SETD2: variants seen among roughly 807,000 people sequenced by gnomAD.
SETD2 encodes histone-lysine N-methyltransferase SETD2.
SETD2 carries 31 observed loss-of-function variants against 242.1 expected under a neutral mutation model. That is an observed-to-expected ratio of 0.13 (90% CI 0.10 to 0.17). The LOEUF (loss-of-function observed/expected upper bound fraction) is 0.17, where lower values mean the gene tolerates loss of function less well. SETD2 is among the 10% of genes least tolerant of loss of function. SETD2 has a pLI of 1.00. For synonymous variants in SETD2, 1,006 were observed against 1,066.5 expected, an observed-to-expected ratio of 0.94 and a Z score of 1.11; for missense variants, 2,481 against 3,046.3, an observed-to-expected ratio of 0.81 and a Z score of 4.37.
intron 18 of SETD2, among the ~76,000 whole-genome samples, chr3:47,022,478 G>A (rs2107500572): frequency 6.6e-6 from 1 of 152,250 alleles, no homozygotes; most frequent in East Asian, 1.9e-4. Flanking sequence ...ACTCCAGCCT[G>A]GGCAACAGAG....
chr3:47,033,039 T>A (rs988489845), intron 18 of SETD2, among the ~76,000 whole-genome samples: 2 of 151,548 alleles, frequency 1.3e-5, no homozygotes, highest in Admixed American at 6.6e-5. Context: ...TAAATTTTAC[T>A]AAAAAAAAAT....
intron 2 of SETD2, among the ~76,000 whole-genome samples, chr3:47,125,832 T>C (rs2043308784): frequency 6.6e-6 from 1 of 152,168 alleles, no homozygotes; most frequent in Non-Finnish European, 1.5e-5. Flanking sequence ...ACAAACTCAA[T>C]CCTAAATTAA....
chr3:47,050,984 C>T (rs779822671), intron 15 of SETD2, among the ~76,000 whole-genome samples: 4 of 151,992 alleles, frequency 2.6e-5, no homozygotes, highest in East Asian at 3.9e-4. Context: ...CCCCACACCT[C>T]GGCTTCCCAA....
Position 47,056,994 on chromosome 3 carries a change from G to T in SETD2, c.6790C>A (p.Pro2264Thr), listed in dbSNP as rs1173653586. 3.1e-6 allele frequency: 5 copies of T among 1,614,256 alleles called. No homozygotes were observed. ...ACACTATAATTCTGTCCCTGAACTG[G>T]GCCGGGGGCCGGCACTGGCAAGACA... ...VAVLPVPAPGPVQGQNYSVWD... is the reference protein window; with the variant it reads ...VAVLPVPAPGTVQGQNYSVWD... The change falls in exon 15 of 21, where the codon CCA becomes ACA. Residue 2264 changes from proline to threonine, a missense_variant. Physicochemically the swap from Pro to Thr is conservative, Grantham distance 38. This residue lies in a region of SETD2 where 235 missense variants were observed against 293.9 expected (regional missense o/e 0.80). Transcript: ENST00000409792.
chr3:47,024,568 C>T (rs1473249772), intron 18 of SETD2, among the ~76,000 whole-genome samples: 1 of 152,168 alleles, frequency 6.6e-6, no homozygotes, highest in Non-Finnish European at 1.5e-5. Flanking sequence ...ACAAGAACCA[C>T]TTGAACCTGG....
intron 1 of SETD2, among the ~76,000 whole-genome samples, chr3:47,151,552 G>A (rs1420259467): frequency 2.6e-5 from 4 of 152,040 alleles, no homozygotes; most frequent in South Asian, 4.1e-4. Flanking sequence ...AGCATGCCGC[G>A]TACAGTGGCT....
intron 12 of SETD2, among the ~76,000 whole-genome samples, chr3:47,076,419 T>G (rs1026458070): frequency 6.6e-6 from 1 of 152,132 alleles, no homozygotes; most frequent in African/African-American, 2.4e-5. Context: ...AGATGAAGGA[T>G]TTATATTTCC....
intron 1 of SETD2, among the ~76,000 whole-genome samples, chr3:47,142,793 G>A (rs557953102): frequency 6.6e-6 from 1 of 151,454 alleles, no homozygotes; most frequent in African/African-American, 2.4e-5. Context: ...TCAGCCTTCT[G>A]AGTAGCTGGG....
chr3:47,129,889 AAAAGAAAAAAG>A (rs1485675594), intron 1 of SETD2, among the ~76,000 whole-genome samples: 5 of 152,174 alleles, frequency 3.3e-5, no homozygotes, highest in Admixed American at 2.6e-4. Context: ...AAAAAAAAAA[AAAAGAAAAAAG>A]AAAAGAAAAA....
chr3:47,053,720 G>A (rs1191760704), intron 15 of SETD2, among the ~76,000 whole-genome samples: 6 of 152,138 alleles, frequency 3.9e-5, no homozygotes, highest in Admixed American at 3.9e-4. Context: ...TTAACACTGG[G>A]CTTCAACAAC....
Position 47,120,477 on chromosome 3 carries a change from T to C in SETD2, c.4159A>G (p.Lys1387Glu), listed in dbSNP as rs879019101. 5 of 1,613,688 alleles carry C rather than the reference T, an allele frequency of 3.1e-6. No homozygotes were observed. The South Asian group carries it at 5.5e-5, about 18-fold the overall frequency. Residue 1387 changes from lysine to glutamate, a missense_variant, in exon 3 of 21, where the codon AAA (lysine) becomes GAA (glutamate). By Grantham distance (56) the Lys-to-Glu change is moderately conservative. Around this residue, in one of 17 missense-constraint regions of SETD2, gnomAD observed 1,300 missense variants for 1,259.2 expected, o/e 1.03. Coordinates refer to ENST00000409792, the MANE Select transcript of SETD2 (RefSeq NM_014159.7). ...TTTTCTAAGTTTTTTGAAAAATCTT[T>C]CTTTTCATTCACAGCTAAAGTGTCC... ...IKDTLAVNEK[K>E]DFSKNLEKND...
rs932103061 is a variant in SETD2 at position 47,123,796 on chromosome 3, T to C, written c.840A>G (p.Lys280=). ...CCTTCCCAATATGGGAATCTTCTTT[T>C]TTTGAGGAAATATCTGCTTGCTCAT... The part of the protein sequence containing the change: ...ILNEQADISS[K]KEDSHIGKDE... The change falls in exon 3 of 21, where the codon AAA becomes AAG. Residue 280 remains lysine (K), a synonymous_variant. Coordinates refer to ENST00000409792, the MANE Select transcript of SETD2 (RefSeq NM_014159.7). 5 of 1,547,480 alleles carry C rather than the reference T, an allele frequency of 3.2e-6. No homozygotes were observed. Among genetic ancestry groups the C allele is most frequent in the Non-Finnish European group, 4.4e-6 (5 of 1,145,314 alleles).
intron 15 of SETD2, among the ~76,000 whole-genome samples, chr3:47,047,920 A>G (rs984089870): frequency 6.6e-6 from 1 of 152,216 alleles, no homozygotes; most frequent in Non-Finnish European, 1.5e-5. Flanking sequence ...AGGTACTTAC[A>G]CATCATACAG....
chr3:47,134,939 A>G (rs1027450619), intron 1 of SETD2, among the ~76,000 whole-genome samples: 4 of 151,960 alleles, frequency 2.6e-5, no homozygotes, highest in Non-Finnish European at 5.9e-5. Context: ...GACATTTTAG[A>G]AAGGTAACAC....
rs571401810 is a variant in SETD2, at chr3:47,077,083, C to T, written c.6060+6637G>A. 2.0e-5 allele frequency among the ~76,000 whole-genome samples: 3 copies of T among 152,224 alleles called. No homozygotes were observed. The East Asian group carries it at 5.8e-4, about 29-fold the overall frequency. Reference sequence around the variant, plus strand: ...AATTAAAAGTGGCAAAGAAGAGATGCTGTGCCTTATTTATTTTTCGAGACA... The same window carrying T: ...AATTAAAAGTGGCAAAGAAGAGATGTTGTGCCTTATTTATTTTTCGAGACA... On this transcript the variant is annotated intron_variant, in intron 12 of 20. Coordinates refer to ENST00000409792, the MANE Select transcript of SETD2 (RefSeq NM_014159.7).
chr3:47,071,959 C>T (rs1559689173), intron 12 of SETD2, among the ~76,000 whole-genome samples: 1 of 152,104 alleles, frequency 6.6e-6, no homozygotes, highest in East Asian at 1.9e-4. Context: ...CTTTTTCTGA[C>T]AAGAAAAAGG....
intron 1 of SETD2, among the ~76,000 whole-genome samples, chr3:47,160,587 G>A (rs1256134041): frequency 4.0e-5 from 6 of 151,854 alleles, no homozygotes; most frequent in East Asian, 3.9e-4. Context: ...TGGGATTACC[G>A]ATGAAAGCCA....
chr3:47,062,971 C>A (rs2040402995), intron 13 of SETD2, among the ~76,000 whole-genome samples: 1 of 152,064 alleles, frequency 6.6e-6, no homozygotes, highest in Admixed American at 6.5e-5. Flanking sequence ...GCTTATCAGG[C>A]AACATTTTAA....
intron 13 of SETD2, among the ~76,000 whole-genome samples, chr3:47,066,142 T>A (rs1264251862): frequency 6.6e-6 from 1 of 152,228 alleles, no homozygotes; most frequent in African/African-American, 2.4e-5. Context: ...TATTTCCACT[T>A]AATGAAGAGT....
Sources: gnomAD v4.1 joint callset for allele counts (sites outside exome capture counted in the v4.1 genomes callset) on GRCh38, gnomAD v4.1.1 for gene constraint, gnomAD v4.1.1 regional missense constraint, MANE v1.5 for transcripts, NCBI Gene and HGNC (gene_info 2026-07-23, HGNC 2026-07-21) for gene names.